The following TMEM80 variants were observed in gnomAD, a reference collection of about 807,000 sequenced individuals.
TMEM80 encodes transmembrane protein 80.
A neutral mutation model predicts 13.6 loss-of-function variants in TMEM80; 16 were observed. The observed-to-expected ratio is 1.17, with a 90% CI of 0.79 to 1.78. The LOEUF is 1.78. TMEM80 is among the 40% of genes most tolerant of loss of function. The pLI is 0.00. For missense variants in TMEM80, 167 were observed against 184.6 expected, an observed-to-expected ratio of 0.90 and a Z score of 0.55; for synonymous variants, 92 against 89.5, an observed-to-expected ratio of 1.03 and a Z score of -0.16.
In TMEM80 at chr11:703,145, A is replaced by C. The variant is rs771828434; in HGVS notation, c.427A>C (p.Arg143=). Residue 143 remains arginine (R), a synonymous_variant, in exon 5 of 5, where the codon AGG becomes CGG. Transcript: ENST00000397510. ...GGTGGTTGCCATCGCGGCCTTCACC[A>C]GGTAGCTACGGACACCCGGGATACC... ...LQVVAIAAFT[R] The C allele has an allele frequency of 1.9e-5, 31 of 1,604,020 alleles. No individual in the cohort carries two copies. The highest frequency in any genetic ancestry group is 2.3e-5 in the Non-Finnish European group (27 of 1,173,594).
In TMEM80 at chr11:704,039, T is replaced by C; in HGVS notation, c.*889T>C. On this transcript the variant is annotated 3_prime_UTR_variant, in exon 5 of 5. Coordinates refer to ENST00000397510, the MANE Select transcript of TMEM80 (RefSeq NM_001042463.3). ...TCCCTTCACTTGATTCTATTGTGTG[T>C]TTTCTATGTTTGGAATAATTACACC... The C allele has an allele frequency of 8.5e-7, 1 of 1,180,764 alleles. No homozygotes were observed. Among genetic ancestry groups the C allele is most frequent in the Non-Finnish European group, 1.0e-6 (1 of 953,542 alleles). The allele number at this position is 1,180,764 out of a possible 1,614,324, so 73.1% of individuals were successfully genotyped here.
intron 4 of TMEM80, 180 bp downstream of exon 4, chr11:700,887 G>A: frequency 1.5e-6 from 1 of 649,156 alleles, no homozygotes; most frequent in South Asian, 1.8e-5. Flanking sequence ...AAGAAGTTTT[G>A]TCCCAGAGAC....
chr11:703,769 A>G lies in TMEM80; in HGVS notation c.*619A>G, dbSNP rs73407142. The G allele has an allele frequency of 4.0e-3, 4,984 of 1,232,980 alleles. 142 individuals carry two copies. In the African/African-American group the frequency reaches 0.068, roughly 17 times the overall value. 76.4% of individuals were successfully genotyped at this position (1,232,980 alleles called of 1,614,324 possible). Reference sequence around the variant, plus strand: ...AAGCCAACAGCTCTGCTGCCTAGCAATTTCCATCTTAGCCACACTTCTCCC... The same window carrying G: ...AAGCCAACAGCTCTGCTGCCTAGCAGTTTCCATCTTAGCCACACTTCTCCC... On this transcript the variant is annotated 3_prime_UTR_variant, in exon 5 of 5. Coordinates refer to ENST00000397510, the MANE Select transcript of TMEM80 (RefSeq NM_001042463.3).
At chr11:702,888 G>T (rs1047122648) in intron 4 of TMEM80, 57 bp from the exon 5 acceptor site, 4 of 1,513,280 alleles carry the variant, frequency 2.6e-6, no homozygotes, top group Non-Finnish European at 3.6e-6. Context: ...ACCTGTGGGC[G>T]GTGGGCTCCA....
downstream of TMEM80, chr11:704,358 GTC>G: frequency 9.9e-7 from 1 of 1,013,788 alleles, no homozygotes; most frequent in African/African-American, 1.6e-5. Context: ...CACCTGGACA[GTC>G]TTTCCTGCCT....
chr11:696,000 C>T (rs1480965219), intron 1 of TMEM80, among the ~76,000 whole-genome samples, 154 bp downstream of exon 1: 1 of 152,068 alleles, frequency 6.6e-6, no homozygotes, highest in Non-Finnish European at 1.5e-5. Flanking sequence ...TCGAGAAGCG[C>T]GGCCTGGCCT....
Position 703,522 on chromosome 11 carries a change from AT to A in TMEM80, c.*373del, listed in dbSNP as rs1163813056. The A allele has an allele frequency of 1.6e-6, 2 of 1,236,476 alleles. No homozygotes were observed. Among genetic ancestry groups the A allele is most frequent in the African/African-American group, 3.1e-5 (2 of 64,512 alleles). 76.6% of individuals were successfully genotyped at this position (1,236,476 alleles called of 1,614,324 possible). On this transcript the variant is annotated 3_prime_UTR_variant, in exon 5 of 5. Coordinates refer to ENST00000397510, the MANE Select transcript of TMEM80 (RefSeq NM_001042463.3). ...CAGAGCCCTTCAGAACAGAGGCCTC[AT>A]CTCACTGCATCCCCCATCACCCCCT... is the stretch of plus-strand genomic sequence containing the variant.
downstream of TMEM80, chr11:704,959 G>A (rs952719136): frequency 3.0e-6 from 1 of 331,140 alleles, no homozygotes; most frequent in Non-Finnish European, 5.9e-6. Context: ...CTCTGGGTCA[G>A]GGCAAGCTCA....
At chr11:697,131 G>A (rs1316805200) in intron 1 of TMEM80, among the ~76,000 whole-genome samples, 1 of 151,096 alleles carries the variant, frequency 6.6e-6, no homozygotes, top group Non-Finnish European at 1.5e-5. Flanking sequence ...CAGGGAGCCT[G>A]TGGTCCCAGC....
rs956770942 is a variant in TMEM80, at chr11:703,343, T to A, written c.*193T>A. The A allele has an allele frequency of 7.1e-7, 1 of 1,399,044 alleles. No homozygotes were observed. The highest frequency in any genetic ancestry group is 9.3e-7 in the Non-Finnish European group (1 of 1,078,428). 86.7% of individuals were successfully genotyped at this position (1,399,044 alleles called of 1,614,324 possible). A position where few individuals can be genotyped will look rare whatever the true frequency, so the allele number is the denominator to read the frequency against. On this transcript the variant is annotated 3_prime_UTR_variant, in exon 5 of 5. Coordinates refer to ENST00000397510, the MANE Select transcript of TMEM80 (RefSeq NM_001042463.3). ...GGGCAGAACAAACTGCTGGAGGCCCTGGTGTTGGGAACAGCTGCGGGGAGG... is the reference window on the plus strand; with the variant it reads ...GGGCAGAACAAACTGCTGGAGGCCCAGGTGTTGGGAACAGCTGCGGGGAGG...
At chr11:704,778 C>T, downstream of TMEM80, 2 of 619,114 alleles carry the variant, frequency 3.2e-6, no homozygotes, top group Non-Finnish European at 4.9e-6. Flanking sequence ...CTCCTGAGGG[C>T]AGGCTCCGCA....
chr11:700,302 G>A (rs1398093694), intron 3 of TMEM80, 67 bp downstream of exon 3: 19 of 1,417,196 alleles, frequency 1.3e-5, no homozygotes, highest in South Asian at 3.5e-5. Flanking sequence ...TGAGGTGGGC[G>A]GATCACTTGA....
intron 1 of TMEM80, among the ~76,000 whole-genome samples, chr11:697,335 A>C (rs115109663): frequency 0.014 from 2,180 of 152,314 alleles, 52 homozygotes; most frequent in African/African-American, 0.049. Context: ...GTTCTCTTTC[A>C]CTTCCATGTT....
At chr11:701,616 A>G (rs7112603) in intron 4 of TMEM80, among the ~76,000 whole-genome samples, 127,818 of 151,454 alleles carry the variant, frequency 0.84, 54,838 homozygotes, top group East Asian at 0.97. Flanking sequence ...TCACCATGTT[A>G]GCCAGGATGG....
At chr11:700,588 T>C (rs759989462) in intron 3 of TMEM80, 27 bp from the exon 4 acceptor site, 30 of 1,594,218 alleles carry the variant, frequency 1.9e-5, no homozygotes, top group Admixed American at 5.0e-5. Context: ...AGGTTACTTA[T>C]GTTCCGTCCG....
intron 4 of TMEM80, among the ~76,000 whole-genome samples, chr11:702,129 A>G (rs1455424534): frequency 6.6e-6 from 1 of 152,146 alleles, no homozygotes; most frequent in Non-Finnish European, 1.5e-5. Flanking sequence ...GCTGCGGGGA[A>G]GGGTGGCCCC....
Position 698,621 on chromosome 11 carries a change from C to T in TMEM80, c.20-248C>T, listed in dbSNP as rs550807104. Among the ~76,000 whole-genome samples the T allele has an allele frequency of 1.7e-3, 266 of 152,266 alleles. 2 individuals are homozygous for T. The highest frequency in any genetic ancestry group is 6.1e-3 in the African/African-American group (254 of 41,526). On this transcript the variant is annotated intron_variant, in intron 1 of 4. Transcript: ENST00000397510. The stretch of plus-strand genomic sequence containing the variant: ...TCTGGCCCAGGTTCACTTCCCACCC[C>T]GGTGCCCCCGGTACTCGCTGTCTCC...
Position 701,520 on chromosome 11 carries a change from CCT to C in TMEM80, c.226+814_226+815del, listed in dbSNP as rs761688212. 2.6e-5 allele frequency among the ~76,000 whole-genome samples: 4 copies of C among 150,978 alleles called. No homozygotes were observed. The Admixed American group carries it at 2.7e-4, about 10-fold the overall frequency. On this transcript the variant is annotated intron_variant, in intron 4 of 4. Transcript: ENST00000397510. ...CCGCCTCCCGGGTTCACGCCAGTCT[CCT>C]GTCTCAGCCTCCCGAGTAACTGGGA...
At chr11:700,046 C>G in intron 2 of TMEM80, 96 bp from the exon 3 acceptor site, 1 of 959,180 alleles carries the variant, frequency 1.0e-6, no homozygotes, top group Non-Finnish European at 1.6e-6. Flanking sequence ...GTGTCTGTGG[C>G]CACCAAACAG....
Sources: gnomAD v4.1 joint callset for allele counts (sites outside exome capture counted in the v4.1 genomes callset) on GRCh38, gnomAD v4.1.1 for gene constraint, MANE v1.5 for transcripts, NCBI Gene and HGNC (gene_info 2026-07-23, HGNC 2026-07-21) for gene names.